Variants in RBFOX1 observed in about 807,000 individuals in gnomAD.
RBFOX1 encodes the protein RNA binding protein fox-1 homolog 1.
A neutral mutation model predicts 57.7 loss-of-function variants in RBFOX1; 8 were observed. That is an observed-to-expected ratio of 0.14 (90% CI 0.08 to 0.25). The LOEUF (loss-of-function observed/expected upper bound fraction) is 0.25, where lower values mean the gene tolerates loss of function less well. Among genes scored for constraint, RBFOX1 ranks in the 10% least tolerant of loss-of-function variants. The pLI, the probability that RBFOX1 is intolerant of heterozygous loss-of-function variation, is 1.00. For synonymous variants in RBFOX1, 326 were observed against 222.4 expected (o/e 1.47, Z -4.15); for missense variants, 611 against 548.5 (o/e 1.11, Z -1.14).
At chr16:5,526,548 C>A (rs543292073) in intron 2 of RBFOX1, among the ~76,000 whole-genome samples, 1 of 152,150 alleles carries the variant, frequency 6.6e-6, no homozygotes, top group Non-Finnish European at 1.5e-5. Context: ...CTCAGCCTCC[C>A]AAAGTGCTGG....
In RBFOX1 at chr16:5,938,144, C is replaced by T. The variant is rs191132971; in HGVS notation, c.351+70809C>T. Among the ~76,000 whole-genome samples, 278 of 152,260 alleles carry T rather than the reference C, an allele frequency of 1.8e-3. 2 individuals are homozygous for T. In the Middle Eastern group the frequency reaches 0.02, roughly 11 times the overall value. The stretch of plus-strand genomic sequence containing the variant: ...TCCTTTTCTTTTCTTTGCTTCCGTA[C>T]TTTACACAGAAAACCTGGAACCAAA... On this transcript the variant is annotated intron_variant, in intron 4 of 19. Coordinates refer to the RBFOX1 transcript ENST00000641259.
intron 2 of RBFOX1, among the ~76,000 whole-genome samples, chr16:6,637,380 C>T (rs372806354): frequency 0.031 from 180 of 5,860 alleles, 29 homozygotes; most frequent in East Asian, 0.077. Flanking sequence ...ATATAATATA[C>T]AAATATATAT....
intron 3 of RBFOX1, among the ~76,000 whole-genome samples, chr16:5,706,447 C>A (rs914759054): frequency 2.0e-5 from 3 of 152,092 alleles, no homozygotes; most frequent in Admixed American, 2.0e-4. Context: ...CCTGGTGCTC[C>A]CCCGTCATTT....
intron 1 of RBFOX1, among the ~76,000 whole-genome samples, chr16:6,277,534 G>A (rs915288469): frequency 6.6e-6 from 1 of 150,680 alleles, no homozygotes; most frequent in Non-Finnish European, 1.5e-5. Flanking sequence ...CACTTTGAGA[G>A]GCTAAGGCAG....
rs1189001154 is a variant in RBFOX1 at position 7,304,920 on chromosome 16, GTGTGT to G, written c.28-213226_28-213222del. Among the ~76,000 whole-genome samples, 4 of 1,712 alleles carry G rather than the reference GTGTGT, an allele frequency of 2.3e-3. No individual in the cohort carries two copies. The Admixed American group carries it at 0.023, about 10-fold the overall frequency. 1.1% of individuals were successfully genotyped at this position (1,712 alleles called of 152,430 possible). ...AAGTGTGTGGTGTGTGGTGTGGTGTGTGTGTGTGTGTGTGTGTGTGTGTGTGTGTG... is the reference window on the plus strand; with the variant it reads ...AAGTGTGTGGTGTGTGGTGTGGTGTGGTGTGTGTGTGTGTGTGTGTGTGTG... On this transcript the variant is annotated intron_variant, in intron 4 of 15. Coordinates refer to ENST00000550418, the MANE Select transcript of RBFOX1 (RefSeq NM_018723.4).
chr16:6,110,294 C>G (rs944177602), intron 1 of RBFOX1, among the ~76,000 whole-genome samples: 1 of 148,428 alleles, frequency 6.7e-6, no homozygotes, highest in Non-Finnish European at 1.5e-5. Context: ...CATCACAATT[C>G]TCTATAGCTT....
chr16:7,341,776 C>CTCCCTCCTTCCTTCCT (rs2096900288), intron 4 of RBFOX1, among the ~76,000 whole-genome samples: 4 of 95,198 alleles, frequency 4.2e-5, no homozygotes, highest in African/African-American at 1.6e-4. Context: ...CCCTCCCTCC[C>CTCCCTCCTTCCTTCCT]TCCTTCCTTC....
chr16:5,504,272 C>G lies in RBFOX1; in HGVS notation c.258+37018C>G, dbSNP rs184069945. On this transcript the variant is annotated intron_variant, in intron 2 of 2. Coordinates refer to the RBFOX1 transcript ENST00000585867. ...TGAGAGCCCAGAGCACAGAGCAGGC[C>G]GCCTCCCAGGACCCAACAGCTGCCA... 1.5e-3 allele frequency among the ~76,000 whole-genome samples: 223 copies of G among 152,342 alleles called. 1 individual carries two copies. Among genetic ancestry groups the G allele is most frequent in the African/African-American group, 4.8e-3 (199 of 41,590 alleles).
At chr16:7,294,552 A>G (rs1181940741) in intron 4 of RBFOX1, among the ~76,000 whole-genome samples, 2 of 151,956 alleles carry the variant, frequency 1.3e-5, no homozygotes, top group Non-Finnish European at 2.9e-5. Context: ...CTGAAGCAGA[A>G]TATTTTCTTT....
chr16:6,923,304 C>T (rs967954635), intron 3 of RBFOX1, among the ~76,000 whole-genome samples: 7 of 152,022 alleles, frequency 4.6e-5, no homozygotes, highest in Middle Eastern at 3.2e-3. Context: ...GATGCCAAGG[C>T]GGGAGGATCA....
At chr16:6,541,242 C>T (rs1170163220) in intron 2 of RBFOX1, among the ~76,000 whole-genome samples, 1 of 152,176 alleles carries the variant, frequency 6.6e-6, no homozygotes, top group Admixed American at 6.5e-5. Context: ...ACTGTAGTCT[C>T]TCCTGGAATA....
chr16:6,225,808 G>A (rs577133112), intron 1 of RBFOX1, among the ~76,000 whole-genome samples: 90 of 152,208 alleles, frequency 5.9e-4, no homozygotes, highest in Non-Finnish European at 1.1e-3. Context: ...TAGGAGACAT[G>A]ACTGAAGTGT....
At chr16:6,358,380 G>C (rs1255318490) in intron 2 of RBFOX1, among the ~76,000 whole-genome samples, 2 of 152,294 alleles carry the variant, frequency 1.3e-5, no homozygotes, top group East Asian at 3.9e-4. Flanking sequence ...AGGAGGTGGA[G>C]AGCCATTGTC....
At chr16:7,696,142 G>A (rs181047794) in intron 14 of RBFOX1, among the ~76,000 whole-genome samples, 124 of 152,272 alleles carry the variant, frequency 8.1e-4, no homozygotes, top group Middle Eastern at 6.8e-3. Context: ...AACATTTGTG[G>A]TCTGTGAGAC....
At chr16:7,344,137 C>G (rs2096950141) in intron 4 of RBFOX1, among the ~76,000 whole-genome samples, 1 of 124,732 alleles carries the variant, frequency 8.0e-6, no homozygotes, top group Non-Finnish European at 1.6e-5. Context: ...AACTCCTAAG[C>G]TACTCTGAAC....
intron 4 of RBFOX1, among the ~76,000 whole-genome samples, chr16:7,480,573 C>A (rs921360476): frequency 2.8e-4 from 42 of 152,338 alleles, no homozygotes; most frequent in African/African-American, 9.1e-4. Flanking sequence ...CTGTCTCCAT[C>A]ACCTCCTTTT....
At chr16:6,001,699 C>G (rs1053490588) in intron 4 of RBFOX1, among the ~76,000 whole-genome samples, 1 of 152,054 alleles carries the variant, frequency 6.6e-6, no homozygotes, top group Middle Eastern at 3.2e-3. Flanking sequence ...TTTCAAAATA[C>G]ATTAATTTAA....
At chr16:7,259,734 C>T (rs924009146) in intron 4 of RBFOX1, among the ~76,000 whole-genome samples, 2 of 152,104 alleles carry the variant, frequency 1.3e-5, no homozygotes, top group African/African-American at 4.8e-5. Flanking sequence ...CTTGTAGTAA[C>T]AATGCCACAT....
intron 5 of RBFOX1, among the ~76,000 whole-genome samples, chr16:7,530,917 C>T (rs1221718225): frequency 6.6e-6 from 1 of 152,124 alleles, no homozygotes; most frequent in Non-Finnish European, 1.5e-5. Context: ...TAAGCCTTCA[C>T]CCTGACAGCA....
Sources: allele counts gnomAD v4.1 joint callset (sites outside exome capture counted in the v4.1 genomes callset), GRCh38; gene constraint gnomAD v4.1.1; transcripts MANE v1.5; gene names NCBI Gene and HGNC (gene_info 2026-07-23, HGNC 2026-07-21).